ZNF569: variants seen among roughly 807,000 people sequenced by gnomAD.
The protein encoded by ZNF569 is DNA-binding protein.
Under a neutral mutation model 56.3 loss-of-function variants are expected in ZNF569, and 38 were observed. That is an observed-to-expected ratio of 0.68 (90% CI 0.52 to 0.88). The LOEUF is 0.88. Among genes scored for constraint, ZNF569 ranks in the 40% least tolerant of loss-of-function variants. The pLI is 0.00. For missense variants in ZNF569, 666 were observed against 809.2 expected (o/e 0.82, Z 2.15); for synonymous variants, 241 against 262.9 (o/e 0.92, Z 0.81).
chr19:37,437,572 G>A (rs1383557715), intron 3 of ZNF569, among the ~76,000 whole-genome samples: 1 of 152,034 alleles, frequency 6.6e-6, no homozygotes, highest in Non-Finnish European at 1.5e-5. Context: ...TCTTCTGTTT[G>A]AAAAAACCTG....
chr19:37,455,538 G>T (rs1365015539), intron 2 of ZNF569, among the ~76,000 whole-genome samples: 1 of 152,046 alleles, frequency 6.6e-6, no homozygotes, highest in Non-Finnish European at 1.5e-5. Flanking sequence ...CACTCCACTT[G>T]CTTGAATCCA....
chr19:37,454,168 T>C (rs2041636950), intron 2 of ZNF569, among the ~76,000 whole-genome samples: 1 of 152,212 alleles, frequency 6.6e-6, no homozygotes, highest in Non-Finnish European at 1.5e-5. Flanking sequence ...TAATAATATC[T>C]GTGTTTAAGG....
At chr19:37,424,082 C>T (rs1478610317) in intron 5 of ZNF569, among the ~76,000 whole-genome samples, 2 of 152,052 alleles carry the variant, frequency 1.3e-5, no homozygotes, top group East Asian at 3.9e-4. Context: ...AAAATGGGAG[C>T]TACCAAAAAA....
intron 3 of ZNF569, among the ~76,000 whole-genome samples, chr19:37,442,157 T>C (rs1600326313): frequency 1.3e-5 from 2 of 152,134 alleles, no homozygotes; most frequent in East Asian, 3.8e-4. Flanking sequence ...AGCAAGTGAA[T>C]AAGTGAGATA....
chr19:37,454,778 G>T, intron 2 of ZNF569: 2 of 695,616 alleles, frequency 2.9e-6, no homozygotes, highest in South Asian at 3.0e-5. Flanking sequence ...ACTTTCATTA[G>T]CTGACATTCA....
At chr19:37,467,030 C>T (rs2041854203) in intron 1 of ZNF569, 54 bp downstream of exon 1, 1 of 152,410 alleles carries the variant, frequency 6.6e-6, no homozygotes, top group Non-Finnish European at 1.5e-5. Context: ...GCCCCCACTC[C>T]CACCCAGCAC....
Position 37,430,606 on chromosome 19 carries a change from G to A in ZNF569, c.16-4228C>T, listed in dbSNP as rs546960235. Among the ~76,000 whole-genome samples the A allele has an allele frequency of 2.6e-5, 4 of 152,118 alleles. No homozygotes were observed. In the East Asian group the frequency reaches 5.8e-4, roughly 22 times the overall value. ...AAAGAAAAAAAAAACTATCAGAGAGGAAGTAGGGAAAGAGGGCCCAATAGA... is the reference window on the plus strand; with the variant it reads ...AAAGAAAAAAAAAACTATCAGAGAGAAAGTAGGGAAAGAGGGCCCAATAGA... On this transcript the variant is annotated intron_variant, in intron 3 of 5. Transcript: ENST00000316950.
intron 3 of ZNF569, among the ~76,000 whole-genome samples, chr19:37,439,600 C>T (rs529904962): frequency 4.0e-4 from 61 of 152,330 alleles, no homozygotes; most frequent in African/African-American, 1.4e-3. Context: ...GATATCTGTA[C>T]TCCCTTATTT....
At chr19:37,456,304 C>T (rs909737895) in intron 2 of ZNF569, among the ~76,000 whole-genome samples, 6 of 152,100 alleles carry the variant, frequency 3.9e-5, no homozygotes, top group Admixed American at 6.6e-5. Context: ...TCATTTCAAT[C>T]CGTATATTTA....
rs2041861334 is a variant in ZNF569 at position 37,467,324 on chromosome 19, A to T, written c.-445T>A. On this transcript the variant is annotated 5_prime_UTR_variant, in exon 1 of 6. Transcript: ENST00000316950. ...CAGACCACGGTGTTCCAGGGCTCACAGCTCCGCGCAGGGGAGCTCAGCCTA... is the reference window on the plus strand; with the variant it reads ...CAGACCACGGTGTTCCAGGGCTCACTGCTCCGCGCAGGGGAGCTCAGCCTA... The T allele has an allele frequency of 6.5e-6, 1 of 153,042 alleles. No individual in the cohort carries two copies. Among genetic ancestry groups the T allele is most frequent in the Admixed American group, 6.5e-5 (1 of 15,404 alleles). 9.5% of individuals were successfully genotyped at this position (153,042 alleles called of 1,614,324 possible).
upstream of ZNF569, chr19:37,467,891 A>G: frequency 6.5e-7 from 1 of 1,536,056 alleles, no homozygotes; most frequent in Non-Finnish European, 8.7e-7. Flanking sequence ...GTCAGAGACA[A>G]TGTGCATGTA....
chr19:37,458,889 G>T (rs1441825351), intron 2 of ZNF569, among the ~76,000 whole-genome samples: 2 of 152,050 alleles, frequency 1.3e-5, no homozygotes, highest in African/African-American at 4.8e-5. Context: ...AACAAAGAAT[G>T]CCTTCAATGG....
At chr19:37,430,900 A>G (rs1459438547) in intron 3 of ZNF569, among the ~76,000 whole-genome samples, 1 of 152,216 alleles carries the variant, frequency 6.6e-6, no homozygotes, top group Non-Finnish European at 1.5e-5. Context: ...GACCAGAGTG[A>G]TTGCAGGACT....
chr19:37,442,806 CA>C (rs2041428374), intron 3 of ZNF569, among the ~76,000 whole-genome samples: 1 of 152,012 alleles, frequency 6.6e-6, no homozygotes, highest in Non-Finnish European at 1.5e-5. Flanking sequence ...TAATATTAAA[CA>C]AAAGCCAGAC....
At chr19:37,426,735 G>A (rs1486459331) in intron 3 of ZNF569, among the ~76,000 whole-genome samples, 2 of 152,190 alleles carry the variant, frequency 1.3e-5, no homozygotes, top group Non-Finnish European at 2.9e-5. Flanking sequence ...TGAAATCTGT[G>A]GTATGGTGGG....
intron 2 of ZNF569, among the ~76,000 whole-genome samples, chr19:37,457,381 T>A (rs1286083978): frequency 6.6e-6 from 1 of 152,100 alleles, no homozygotes; most frequent in Non-Finnish European, 1.5e-5. Context: ...TGCCCAAAAT[T>A]TACTGGCTTA....
chr19:37,423,471 AG>A (rs2041071207), intron 5 of ZNF569, among the ~76,000 whole-genome samples: 3 of 152,230 alleles, frequency 2.0e-5, no homozygotes, highest in African/African-American at 7.2e-5. Flanking sequence ...CAAACATAAG[AG>A]GATGAGTCAT....
In ZNF569 at chr19:37,413,795, T is replaced by A; in HGVS notation, c.863A>T (p.His288Leu). Reference sequence around the variant, plus strand: ...TTTCTCTCCAGTATGAATTTTTTCATGATCAATAAGATTTGATTTCTGGCT... The same window carrying A: ...TTTCTCTCCAGTATGAATTTTTTCAAGATCAATAAGATTTGATTTCTGGCT... The part of the protein sequence containing the change: ...SFSQKSNLID[H>L]EKIHTGEKPY... Residue 288 changes from histidine (H) to leucine (L), a missense_variant, in exon 6 of 6, where the codon CAT becomes CTT. By Grantham distance (99) the His-to-Leu change is moderately conservative. Transcript: ENST00000316950. 1.9e-6 allele frequency: 3 copies of A among 1,613,698 alleles called. No homozygotes were observed. Among genetic ancestry groups the A allele is most frequent in the Non-Finnish European group, 2.5e-6 (3 of 1,179,920 alleles).
chr19:37,425,689 T>C lies in ZNF569; in HGVS notation c.238+179A>G, dbSNP rs191894596. The stretch of plus-strand genomic sequence containing the variant: ...TATGTTGCCCAGGCTGGTCCCAAAC[T>C]CCTGGACTCAAGCAATCCTTCCACC... On this transcript the variant is annotated intron_variant, in intron 5 of 5. Coordinates refer to ENST00000316950, the MANE Select transcript of ZNF569 (RefSeq NM_152484.3). 253 of 513,154 alleles carry C rather than the reference T, an allele frequency of 4.9e-4. No homozygotes were observed. In the Middle Eastern group the frequency reaches 5.7e-3, roughly 12 times the overall value. The allele number at this position is 513,154 out of a possible 1,614,324, so 31.8% of individuals were successfully genotyped here.
Sources: gnomAD v4.1 joint callset for allele counts (sites outside exome capture counted in the v4.1 genomes callset) on GRCh38, gnomAD v4.1.1 for gene constraint, MANE v1.5 for transcripts, NCBI Gene and HGNC (gene_info 2026-07-23, HGNC 2026-07-21) for gene names.